The following PDE4D variants were observed in gnomAD, a reference collection of about 807,000 sequenced individuals.
The protein encoded by PDE4D is 3',5'-cyclic-AMP phosphodiesterase 4D.
PDE4D carries 24 observed loss-of-function variants against 87.4 expected under a neutral mutation model. The observed-to-expected ratio is 0.27, with a 90% CI of 0.20 to 0.39. The LOEUF is 0.39. PDE4D is among the 10% of genes least tolerant of loss of function. The pLI, the probability that PDE4D is intolerant of heterozygous loss-of-function variation, is 1.00. For synonymous variants in PDE4D, 384 were observed against 383.2 expected, an observed-to-expected ratio of 1.00 and a Z score of -0.02; for missense variants, 714 against 1,041.0, an observed-to-expected ratio of 0.69 and a Z score of 4.32.
At chr5:60,185,658 C>T (rs1784719193) in exon 2 of PDE4D, 1 of 1,091,602 alleles carries the variant, frequency 9.2e-7, no homozygotes, top group Non-Finnish European at 1.3e-6. Flanking sequence ...GATCTCACTG[C>T]ACGTATCCAC....
At chr5:60,449,415 T>C (rs1327168167) in intron 1 of PDE4D, among the ~76,000 whole-genome samples, 1 of 146,130 alleles carries the variant, frequency 6.8e-6, no homozygotes, top group Non-Finnish European at 1.5e-5. Flanking sequence ...ACACCGCATA[T>C]TCTCACTCAT....
intron 2 of PDE4D, among the ~76,000 whole-genome samples, chr5:59,992,115 C>T (rs1181568567): frequency 1.3e-5 from 2 of 152,178 alleles, no homozygotes; most frequent in Non-Finnish European, 2.9e-5. Context: ...TCTCGATCAT[C>T]AGACTCCTGT....
chr5:59,704,721 A>G (rs1753128970), intron 1 of PDE4D, among the ~76,000 whole-genome samples: 1 of 152,138 alleles, frequency 6.6e-6, no homozygotes, highest in Non-Finnish European at 1.5e-5. Flanking sequence ...TTACATCGAG[A>G]TTGTGTGGTG....
At chr5:59,543,130 A>G (rs1266545449) in intron 1 of PDE4D, among the ~76,000 whole-genome samples, 1 of 152,318 alleles carries the variant, frequency 6.6e-6, no homozygotes, top group East Asian at 1.9e-4. Context: ...AATTTGAGCT[A>G]ATGCCAGCTG....
At position 58,969,150 on chromosome 5, in the gene PDE4D, T is replaced by C. The variant is rs1221259344; in HGVS notation, c.*5514A>G. 1 of 152,218 alleles carries C rather than the reference T, an allele frequency of 6.6e-6. No homozygotes were observed. The highest frequency in any genetic ancestry group is 1.5e-5 in the Non-Finnish European group (1 of 68,048). The allele number at this position is 152,218 out of a possible 1,614,324, so 9.4% of individuals were successfully genotyped here. A position where few individuals can be genotyped will look rare whatever the true frequency, so the allele number is the denominator to read the frequency against. ...TTCAACACATATTAAGAACCTACTG[T>C]GTACCAGGCATAGTTTTAAGTGCTA... is the stretch of plus-strand genomic sequence containing the variant. On this transcript the variant is annotated 3_prime_UTR_variant, in exon 15 of 15. Coordinates refer to ENST00000340635, the MANE Select transcript of PDE4D (RefSeq NM_001104631.2).
intron 2 of PDE4D, among the ~76,000 whole-genome samples, chr5:60,039,719 T>G (rs1768247326): frequency 2.6e-5 from 4 of 152,194 alleles, no homozygotes; most frequent in Non-Finnish European, 4.4e-5. Flanking sequence ...CAAGTAGTAT[T>G]CATTTACAAT....
chr5:59,906,041 A>G (rs1293661423), intron 3 of PDE4D, among the ~76,000 whole-genome samples: 1 of 152,130 alleles, frequency 6.6e-6, no homozygotes, highest in Non-Finnish European at 1.5e-5. Flanking sequence ...TGTTTACTGG[A>G]GGGCCTACTA....
At chr5:59,172,499 A>C (rs1022748517) in intron 5 of PDE4D, among the ~76,000 whole-genome samples, 13 of 149,172 alleles carry the variant, frequency 8.7e-5, no homozygotes, top group African/African-American at 3.2e-4. Context: ...GTTCCAGATC[A>C]GCCTGGGCAA....
chr5:59,130,283 C>T (rs115069850), intron 5 of PDE4D, among the ~76,000 whole-genome samples: 1 of 152,272 alleles, frequency 6.6e-6, no homozygotes, highest in African/African-American at 2.4e-5. Flanking sequence ...TCCAATATTT[C>T]CTAGGTGATA....
At chr5:60,156,699 G>C (rs1782010210) in intron 2 of PDE4D, among the ~76,000 whole-genome samples, 1 of 151,954 alleles carries the variant, frequency 6.6e-6, no homozygotes, top group Admixed American at 6.6e-5. Flanking sequence ...ACCTGCCCTA[G>C]TTTCTGTTAA....
chr5:59,022,722 T>C (rs772650208), intron 6 of PDE4D, among the ~76,000 whole-genome samples: 7 of 152,148 alleles, frequency 4.6e-5, no homozygotes, highest in Non-Finnish European at 1.0e-4. Flanking sequence ...CCAGGTCAGT[T>C]ATGCTCCCAT....
intron 1 of PDE4D, among the ~76,000 whole-genome samples, chr5:60,211,009 G>A (rs1743143890): frequency 6.6e-6 from 1 of 152,164 alleles, no homozygotes; most frequent in Non-Finnish European, 1.5e-5. Context: ...AGCCTGCATG[G>A]GACTGGGGCG....
At chr5:59,629,684 C>T (rs1175306701) in intron 1 of PDE4D, among the ~76,000 whole-genome samples, 1 of 152,142 alleles carries the variant, frequency 6.6e-6, no homozygotes, top group South Asian at 2.1e-4. Flanking sequence ...TATAGCAGCC[C>T]TAGCCGACTA....
intron 2 of PDE4D, among the ~76,000 whole-genome samples, chr5:59,205,076 T>C (rs996751195): frequency 6.6e-6 from 1 of 152,050 alleles, no homozygotes; most frequent in African/African-American, 2.4e-5. Flanking sequence ...TCATTGGCAG[T>C]CATGCCCTTG....
intron 2 of PDE4D, among the ~76,000 whole-genome samples, chr5:59,999,505 C>A: frequency 8.7e-6 from 1 of 115,402 alleles, no homozygotes; most frequent in Non-Finnish European, 1.7e-5. Context: ...CACACAAATT[C>A]AAAGAAGATG....
At chr5:59,243,707 G>A (rs1312689637) in intron 1 of PDE4D, among the ~76,000 whole-genome samples, 2 of 151,852 alleles carry the variant, frequency 1.3e-5, no homozygotes, top group Non-Finnish European at 2.9e-5. Context: ...TGATCTGCCT[G>A]CCTCAGCCTC....
chr5:59,933,587 T>C (rs1367757402), intron 3 of PDE4D, among the ~76,000 whole-genome samples: 1 of 152,210 alleles, frequency 6.6e-6, no homozygotes, highest in Non-Finnish European at 1.5e-5. Flanking sequence ...AGGTAGCTAT[T>C]CTTACATTCA....
chr5:59,361,480 A>G (rs1782216034), intron 1 of PDE4D, among the ~76,000 whole-genome samples: 1 of 152,164 alleles, frequency 6.6e-6, no homozygotes, highest in African/African-American at 2.4e-5. Context: ...TATTCTACTC[A>G]TGAATACAGT....
chr5:60,172,844 C>G (rs1277252352), intron 2 of PDE4D, among the ~76,000 whole-genome samples: 2 of 152,106 alleles, frequency 1.3e-5, no homozygotes, highest in Non-Finnish European at 2.9e-5. Context: ...CAAACTTCAT[C>G]TCTTGAGCAG....
Sources: gnomAD v4.1 joint callset for allele counts (sites outside exome capture counted in the v4.1 genomes callset) on GRCh38, gnomAD v4.1.1 for gene constraint, MANE v1.5 for transcripts, NCBI Gene and HGNC (gene_info 2026-07-23, HGNC 2026-07-21) for gene names.